The following NKAIN3 variants were observed in gnomAD, a reference collection of about 807,000 sequenced individuals.
NKAIN3 encodes the protein sodium/potassium transporting ATPase interacting 3.
In NKAIN3, 25 loss-of-function variants were observed where a neutral mutation model predicts 30.2. That is an observed-to-expected ratio of 0.83 (90% CI 0.60 to 1.16). The LOEUF is 1.16. Ranked by LOEUF, NKAIN3 falls within the 50% of genes most tolerant of loss-of-function variation. The pLI is 0.00. For missense variants in NKAIN3, 225 were observed against 254.1 expected, an observed-to-expected ratio of 0.89 and a Z score of 0.78; for synonymous variants, 91 against 89.6, an observed-to-expected ratio of 1.02 and a Z score of -0.09.
At chr8:62,861,863 A>G (rs1276838339) in intron 4 of NKAIN3, among the ~76,000 whole-genome samples, 2 of 152,222 alleles carry the variant, frequency 1.3e-5, no homozygotes, top group African/African-American at 2.4e-5. Flanking sequence ...CCTAAAACCA[A>G]TACCTTCCCA....
intron 1 of NKAIN3, among the ~76,000 whole-genome samples, chr8:62,353,975 T>C (rs1026962411): frequency 6.6e-6 from 1 of 152,108 alleles, no homozygotes; most frequent in African/African-American, 2.4e-5. Flanking sequence ...GCATAAGGGA[T>C]TTGTGAGGAG....
chr8:62,500,891 A>G (rs1454579598), intron 1 of NKAIN3, among the ~76,000 whole-genome samples: 11 of 152,138 alleles, frequency 7.2e-5, no homozygotes, highest in Non-Finnish European at 1.5e-4. Flanking sequence ...TCCTGGCCCA[A>G]TGTTCACCTA....
chr8:62,996,009 T>G (rs1420583577), intron 5 of NKAIN3, among the ~76,000 whole-genome samples: 1 of 152,206 alleles, frequency 6.6e-6, no homozygotes, highest in Admixed American at 6.5e-5. Context: ...GAACCACTGG[T>G]CCACACCTTC....
intron 1 of NKAIN3, among the ~76,000 whole-genome samples, chr8:62,317,681 T>C (rs1420817454): frequency 6.6e-6 from 1 of 152,238 alleles, no homozygotes. Context: ...TACTGTAGCC[T>C]TGTAACATAG....
chr8:62,321,777 G>A (rs1344409556), intron 1 of NKAIN3, among the ~76,000 whole-genome samples: 1 of 152,204 alleles, frequency 6.6e-6, no homozygotes, highest in African/African-American at 2.4e-5. Context: ...TCAGGGATCA[G>A]GGACCCACTT....
At chr8:62,659,999 T>C (rs1586059969) in intron 3 of NKAIN3, among the ~76,000 whole-genome samples, 1 of 152,332 alleles carries the variant, frequency 6.6e-6, no homozygotes, top group African/African-American at 2.4e-5. Context: ...CTCTTTCTTT[T>C]GTATATTGCC....
At chr8:62,678,797 C>T (rs1432091077) in intron 3 of NKAIN3, among the ~76,000 whole-genome samples, 1 of 151,464 alleles carries the variant, frequency 6.6e-6, no homozygotes, top group Non-Finnish European at 1.5e-5. Flanking sequence ...TTTCTATTAA[C>T]CTAGGTATAT....
At chr8:62,958,310 G>T (rs949254574) in intron 6 of NKAIN3, among the ~76,000 whole-genome samples, 6 of 152,116 alleles carry the variant, frequency 3.9e-5, no homozygotes, top group Non-Finnish European at 8.8e-5. Flanking sequence ...TTCAGTGGTG[G>T]TTATCTGGGT....
intron 1 of NKAIN3, among the ~76,000 whole-genome samples, chr8:62,460,066 A>G (rs1348062599): frequency 6.6e-6 from 1 of 152,182 alleles, no homozygotes; most frequent in Non-Finnish European, 1.5e-5. Context: ...GTGGGACGCC[A>G]GTGAAACGGT....
At chr8:62,477,453 T>C (rs1005767159) in intron 1 of NKAIN3, among the ~76,000 whole-genome samples, 4 of 152,116 alleles carry the variant, frequency 2.6e-5, no homozygotes, top group African/African-American at 7.2e-5. Context: ...CTTTATTTTC[T>C]TTGACTTCGT....
intron 4 of NKAIN3, among the ~76,000 whole-genome samples, chr8:62,801,665 G>C (rs1818068076): frequency 6.6e-6 from 1 of 152,104 alleles, no homozygotes; most frequent in Non-Finnish European, 1.5e-5. Flanking sequence ...CACAAAGATG[G>C]GGAAAAAACA....
chr8:62,342,235 C>CAAAAAAAAAAAAAAAA (rs3058285), intron 1 of NKAIN3, among the ~76,000 whole-genome samples: 1 of 124,788 alleles, frequency 8.0e-6, no homozygotes, highest in African/African-American at 3.2e-5. Context: ...ACCACTGAAC[C>CAAAAAAAAAAAAAAAA]AAAAAAAAAA....
chr8:62,512,590 C>T (rs551173158), intron 1 of NKAIN3, among the ~76,000 whole-genome samples: 2 of 152,210 alleles, frequency 1.3e-5, no homozygotes, highest in East Asian at 1.9e-4. Flanking sequence ...TCTCAAATTC[C>T]ACTATTCTAC....
intron 1 of NKAIN3, among the ~76,000 whole-genome samples, chr8:62,385,035 A>G (rs984003278): frequency 6.6e-6 from 1 of 152,120 alleles, no homozygotes; most frequent in African/African-American, 2.4e-5. Context: ...GGGACCCTCC[A>G]TTTGTTGAAA....
chr8:62,630,152 G>T (rs527490787), intron 3 of NKAIN3, among the ~76,000 whole-genome samples: 1 of 152,038 alleles, frequency 6.6e-6, no homozygotes. Flanking sequence ...ATAGGTATGT[G>T]TGTGTAGGAA....
At chr8:62,948,436 G>T (rs1823187536) in intron 5 of NKAIN3, among the ~76,000 whole-genome samples, 1 of 152,092 alleles carries the variant, frequency 6.6e-6, no homozygotes, top group South Asian at 2.1e-4. Context: ...TTGACATCAT[G>T]ATCTGCCTGC....
At chr8:62,361,089 G>A (rs1178998383) in intron 1 of NKAIN3, among the ~76,000 whole-genome samples, 2 of 151,548 alleles carry the variant, frequency 1.3e-5, no homozygotes, top group Non-Finnish European at 2.9e-5. Flanking sequence ...GCATCACACT[G>A]CTTATCACCA....
At chr8:62,328,820 G>A (rs1224089462) in intron 1 of NKAIN3, among the ~76,000 whole-genome samples, 1 of 151,984 alleles carries the variant, frequency 6.6e-6, no homozygotes, top group Non-Finnish European at 1.5e-5. Flanking sequence ...TGCATTGGTG[G>A]TTGTGGGATT....
Position 62,981,770 on chromosome 8 carries a change from C to A in NKAIN3, c.*16363C>A, listed in dbSNP as rs1824086491. 2 of 148,562 alleles carry A rather than the reference C, an allele frequency of 1.3e-5. No individual in the cohort carries two copies. Among genetic ancestry groups the A allele is most frequent in the South Asian group, 4.3e-4 (2 of 4,682 alleles). 9.2% of individuals were successfully genotyped at this position (148,562 alleles called of 1,614,324 possible). ...GGACCGAAAAAAAAAAAAAAAAGATCTCTATCCCAATAGATTTTATAAAAT... is the reference window on the plus strand; with the variant it reads ...GGACCGAAAAAAAAAAAAAAAAGATATCTATCCCAATAGATTTTATAAAAT... On this transcript the variant is annotated 3_prime_UTR_variant, in exon 7 of 7. Transcript: ENST00000623646.
Sources: allele counts gnomAD v4.1 joint callset (sites outside exome capture counted in the v4.1 genomes callset), GRCh38; gene constraint gnomAD v4.1.1; transcripts MANE v1.5; gene names NCBI Gene and HGNC (gene_info 2026-07-23, HGNC 2026-07-21).